The following KCNB2 variants were observed in gnomAD, a reference collection of about 807,000 sequenced individuals.
KCNB2 encodes delayed rectifier potassium channel protein.
In KCNB2, 15 loss-of-function variants were observed where a neutral mutation model predicts 61.5. The ratio of observed to expected loss-of-function variants is 0.24; its 90% CI spans 0.16 to 0.38. The LOEUF is 0.38. Ranked by LOEUF, KCNB2 falls within the 10% of genes least tolerant of loss-of-function variation. The pLI is 1.00. For missense variants in KCNB2, 828 were observed against 1,125.2 expected (o/e 0.74, Z 3.78); for synonymous variants, 457 against 446.0 (o/e 1.02, Z -0.31).
At chr8:72,871,812 T>A (rs1236791640) in intron 2 of KCNB2, among the ~76,000 whole-genome samples, 2 of 152,352 alleles carry the variant, frequency 1.3e-5, no homozygotes, top group East Asian at 3.9e-4. Flanking sequence ...CGTTGTTACC[T>A]TTACAGCTAA....
At chr8:72,867,287 T>G (rs1805536178) in intron 2 of KCNB2, among the ~76,000 whole-genome samples, 1 of 152,198 alleles carries the variant, frequency 6.6e-6, no homozygotes. Flanking sequence ...ATGTGAATAT[T>G]TACTCATTTA....
chr8:72,558,833 A>T lies in KCNB2; in HGVS notation c.-93-8809A>T, dbSNP rs1020206046. Among the ~76,000 whole-genome samples, 208 of 152,154 alleles carry T rather than the reference A, an allele frequency of 1.4e-3. 3 individuals are homozygous for T. The highest frequency in any genetic ancestry group is 4.7e-3 in the African/African-American group (195 of 41,534). On this transcript the variant is annotated intron_variant, in intron 1 of 2. Transcript: ENST00000523207. ...CTACAGATGAAAGGTACCTGGTTCTAAAGTTCTTACAATAAGAGGATTATT... is the reference window on the plus strand; with the variant it reads ...CTACAGATGAAAGGTACCTGGTTCTTAAGTTCTTACAATAAGAGGATTATT...
In KCNB2 at chr8:72,773,126, C is replaced by T. The variant is rs555990557; in HGVS notation, c.580-162809C>T. 3.9e-5 allele frequency among the ~76,000 whole-genome samples: 6 copies of T among 152,266 alleles called. No individual in the cohort carries two copies. In the East Asian group the frequency reaches 7.7e-4, roughly 20 times the overall value. On this transcript the variant is annotated intron_variant, in intron 2 of 2. Coordinates refer to ENST00000523207, the MANE Select transcript of KCNB2 (RefSeq NM_004770.3). ...GGAAGAGTGACACATAAGATCTTAA[C>T]AGCATTAGCATCTTTCTTGGCCCGG...
chr8:72,799,641 G>C (rs1049187147), intron 2 of KCNB2, among the ~76,000 whole-genome samples: 3 of 152,140 alleles, frequency 2.0e-5, no homozygotes, highest in African/African-American at 7.2e-5. Flanking sequence ...ACAATGTTTG[G>C]TCTGTCAGGT....
intron 2 of KCNB2, among the ~76,000 whole-genome samples, chr8:72,723,445 T>C (rs1807583992): frequency 6.6e-6 from 1 of 152,164 alleles, no homozygotes; most frequent in Non-Finnish European, 1.5e-5. Flanking sequence ...ATAATAACCA[T>C]CTCTTGGCAA....
In KCNB2 at chr8:72,859,706, C is replaced by CTTTTTTTTTTTTTTTTTTTTTTTTTTTT. The variant is rs1810264452; in HGVS notation, c.580-76229_580-76228insTTTTTTTTTTTTTTTTTTTTTTTTTTTT. Among the ~76,000 whole-genome samples the CTTTTTTTTTTTTTTTTTTTTTTTTTTTT allele has an allele frequency of 2.3e-4, 17 of 73,442 alleles. 8 individuals carry two copies. Among genetic ancestry groups the CTTTTTTTTTTTTTTTTTTTTTTTTTTTT allele is most frequent in the Admixed American group, 5.5e-4 (3 of 5,408 alleles). The allele number at this position is 73,442 out of a possible 152,430, so 48.2% of individuals were successfully genotyped here. The stretch of plus-strand genomic sequence containing the variant: ...TGTAGCATGGATCAGTACTTCATTT[C>CTTTTTTTTTTTTTTTTTTTTTTTTTTTT]GTTTTTTTTTTTTTTTTTTTTTTTT... On this transcript the variant is annotated intron_variant, in intron 2 of 2. Coordinates refer to ENST00000523207, the MANE Select transcript of KCNB2 (RefSeq NM_004770.3).
rs1806138036 is a variant in KCNB2, at chr8:72,537,813, G to C, written c.-166G>C. 6.6e-6 allele frequency: 1 copy of C among 152,296 alleles called. No individual in the cohort carries two copies. Among genetic ancestry groups the C allele is most frequent in the South Asian group, 2.1e-4 (1 of 4,828 alleles). The allele number at this position is 152,296 out of a possible 1,614,324, so 9.4% of individuals were successfully genotyped here. A position where few individuals can be genotyped will look rare whatever the true frequency, so the allele number is the denominator to read the frequency against. On this transcript the variant is annotated 5_prime_UTR_variant, in exon 1 of 3. Transcript: ENST00000523207. The stretch of plus-strand genomic sequence containing the variant: ...GTCGCGGGGAGAGGCTCCCCGGAGG[G>C]AGCGGGGAATCCCACAGCCCTTTGT...
chr8:72,902,452 A>C (rs1335241640), intron 2 of KCNB2, among the ~76,000 whole-genome samples: 1 of 152,110 alleles, frequency 6.6e-6, no homozygotes, highest in African/African-American at 2.4e-5. Context: ...ATGGATGTGG[A>C]CAGATGAATT....
In KCNB2 at chr8:72,934,873, A is replaced by T. The variant is rs1806869304; in HGVS notation, c.580-1062A>T. Among the ~76,000 whole-genome samples, 3 of 151,664 alleles carry T rather than the reference A, an allele frequency of 2.0e-5. No individual in the cohort carries two copies. The South Asian group carries it at 6.3e-4, about 32-fold the overall frequency. On this transcript the variant is annotated intron_variant, in intron 2 of 2. Transcript: ENST00000523207. Reference sequence around the variant, plus strand: ...TCTGCTTGCCCCATAAATCTAGAACACTGGGATTTGGTTAGAAAATCCCCA... The same window carrying T: ...TCTGCTTGCCCCATAAATCTAGAACTCTGGGATTTGGTTAGAAAATCCCCA...
intron 2 of KCNB2, among the ~76,000 whole-genome samples, chr8:72,839,439 A>G (rs573095100): frequency 2.0e-5 from 3 of 152,252 alleles, no homozygotes; most frequent in African/African-American, 4.8e-5. Context: ...ACACCATCTC[A>G]TCCCCAATGA....
rs1007336368 is a variant in KCNB2 at position 72,723,951 on chromosome 8, G to T, written c.579+155638G>T. Among the ~76,000 whole-genome samples, 4 of 152,100 alleles carry T rather than the reference G, an allele frequency of 2.6e-5. No individual in the cohort carries two copies. The South Asian group carries it at 8.3e-4, about 32-fold the overall frequency. On this transcript the variant is annotated intron_variant, in intron 2 of 2. Coordinates refer to ENST00000523207, the MANE Select transcript of KCNB2 (RefSeq NM_004770.3). ...TTCTACCATGATCACTTCCTGTATC[G>T]ATTTTTTTTGGGCAGATTATGAGTA... is the stretch of plus-strand genomic sequence containing the variant.
chr8:72,828,768 T>C (rs1262722069), intron 2 of KCNB2, among the ~76,000 whole-genome samples: 3 of 152,236 alleles, frequency 2.0e-5, no homozygotes, highest in African/African-American at 7.2e-5. Context: ...GAAAGTCCTT[T>C]ACACTACTTA....
At chr8:72,572,867 C>T (rs773994604) in intron 2 of KCNB2, among the ~76,000 whole-genome samples, 1 of 152,162 alleles carries the variant, frequency 6.6e-6, no homozygotes, top group African/African-American at 2.4e-5. Flanking sequence ...GAGATGACCG[C>T]GTTTCCTGCC....
intron 2 of KCNB2, among the ~76,000 whole-genome samples, chr8:72,860,214 G>A (rs1050000170): frequency 2.0e-5 from 3 of 152,034 alleles, no homozygotes; most frequent in African/African-American, 7.2e-5. Flanking sequence ...GAATTGTTAG[G>A]TCATATGGCA....
At chr8:72,826,414 A>G (rs141438675) in intron 2 of KCNB2, among the ~76,000 whole-genome samples, 210 of 152,320 alleles carry the variant, frequency 1.4e-3, no homozygotes, top group Admixed American at 2.7e-3. Flanking sequence ...TATGAACAAT[A>G]AGGAAGGGGA....
At chr8:72,841,361 CTTTTTTTTTTCTTTTTT>C (rs1809881304) in intron 2 of KCNB2, among the ~76,000 whole-genome samples, 1 of 66,190 alleles carries the variant, frequency 1.5e-5, no homozygotes, top group African/African-American at 5.4e-5. Context: ...GTTTTCTTTT[CTTTTTTTTTTCTTTTTT>C]TTTTTTTTTT....
At chr8:72,791,297 C>T (rs1866738) in intron 2 of KCNB2, among the ~76,000 whole-genome samples, 2,748 of 152,198 alleles carry the variant, frequency 0.018, 38 homozygotes, top group Non-Finnish European at 0.026. Flanking sequence ...CACCTATAAT[C>T]CCAGCACTTT....
chr8:72,695,550 T>TA (rs1225967031), intron 2 of KCNB2, among the ~76,000 whole-genome samples: 3 of 152,082 alleles, frequency 2.0e-5, no homozygotes, highest in East Asian at 1.9e-4. Context: ...AATGTGCATT[T>TA]AAAAAAAAGA....
chr8:72,646,312 G>A (rs182815536), intron 2 of KCNB2, among the ~76,000 whole-genome samples: 123 of 151,856 alleles, frequency 8.1e-4, no homozygotes, highest in African/African-American at 2.8e-3. Flanking sequence ...TTTATAATCC[G>A]TATATTATGA....
Sources: allele counts gnomAD v4.1 joint callset (sites outside exome capture counted in the v4.1 genomes callset), GRCh38; gene constraint gnomAD v4.1.1; transcripts MANE v1.5; gene names NCBI Gene and HGNC (gene_info 2026-07-23, HGNC 2026-07-21).